Variants in TM6SF1 observed in about 807,000 individuals in gnomAD.
The protein encoded by TM6SF1 is transmembrane 6 superfamily member 1.
A neutral mutation model predicts 47.1 loss-of-function variants in TM6SF1; 43 were observed. The observed-to-expected ratio is 0.91, with a 90% CI of 0.72 to 1.18. The LOEUF is 1.18. TM6SF1 is among the 50% of genes most tolerant of loss of function. TM6SF1 has a pLI of 0.00. For synonymous variants in TM6SF1, 177 were observed against 166.3 expected (o/e 1.06, Z -0.49); for missense variants, 390 against 449.0 (o/e 0.87, Z 1.19).
intron 9 of TM6SF1, 126 bp from the exon 10 acceptor site, chr15:83,136,355 T>C (rs911028982): frequency 4.5e-5 from 28 of 624,050 alleles, no homozygotes; most frequent in South Asian, 3.3e-5. Context: ...TGAAGGTATT[T>C]TGCCTGCAGG....
chr15:83,129,620 C>G (rs1313812328), intron 9 of TM6SF1: 1 of 152,264 alleles, frequency 6.6e-6, no homozygotes, highest in Admixed American at 6.5e-5. Context: ...TCATATTCTT[C>G]TCCATTGTGT....
chr15:83,109,131 C>T (rs547997809), intron 1 of TM6SF1, among the ~76,000 whole-genome samples: 1 of 152,234 alleles, frequency 6.6e-6, no homozygotes, highest in African/African-American at 2.4e-5. Flanking sequence ...ATTAATACAT[C>T]GATAGTGACA....
intron 9 of TM6SF1, chr15:83,132,325 C>T (rs558601398): frequency 6.6e-6 from 1 of 152,126 alleles, no homozygotes; most frequent in Non-Finnish European, 1.5e-5. Context: ...TATATAATTA[C>T]CAAGAAAACA....
intron 2 of TM6SF1, chr15:83,113,375 C>T (rs1265437044): frequency 6.3e-6 from 1 of 157,662 alleles, no homozygotes; most frequent in Non-Finnish European, 1.4e-5. Flanking sequence ...TAGCAGCAGG[C>T]TTTCACCTAA....
At chr15:83,117,927 G>A (rs2034825611) in intron 3 of TM6SF1, among the ~76,000 whole-genome samples, 1 of 152,146 alleles carries the variant, frequency 6.6e-6, no homozygotes, top group Admixed American at 6.5e-5. Context: ...ACCTAATGCT[G>A]TGAAGAAGAG....
rs201364617 is a variant in TM6SF1 at position 83,137,400 on chromosome 15, C to T, written c.*728C>T. ...TTAAATTTGAAACATTTCATATATA[C>T]ACATAAAACGCTTTTAAAGAAAATT... On this transcript the variant is annotated 3_prime_UTR_variant, in exon 10 of 10. Coordinates refer to ENST00000322019, the MANE Select transcript of TM6SF1 (RefSeq NM_023003.5). 6.6e-6 allele frequency: 1 copy of T among 152,012 alleles called. No homozygotes were observed. The highest frequency in any genetic ancestry group is 1.9e-4 in the East Asian group (1 of 5,198). 9.4% of individuals were successfully genotyped at this position (152,012 alleles called of 1,614,324 possible).
intron 2 of TM6SF1, chr15:83,113,215 G>C: frequency 2.3e-6 from 1 of 425,718 alleles, no homozygotes; most frequent in Non-Finnish European, 4.4e-6. Context: ...TGGGCTTCCT[G>C]TCTTCAGCCT....
rs1020959791 is a variant in TM6SF1 at position 83,122,664 on chromosome 15, AT to A, written c.482-89del. 12 of 1,470,220 alleles carry A rather than the reference AT, an allele frequency of 8.2e-6. 1 individual carries two copies. The highest frequency in any genetic ancestry group is 4.9e-4 in the Middle Eastern group (2 of 4,082). 91.1% of individuals were successfully genotyped at this position (1,470,220 alleles called of 1,614,324 possible). On this transcript the variant is annotated intron_variant, in intron 5 of 9. Transcript: ENST00000322019. The stretch of plus-strand genomic sequence containing the variant: ...AAAATATTGTCTGGCCCATAGCAAA[AT>A]TTTAGATGACCTGAGATGGGGAGGT...
At chr15:83,122,391 ATAGG>A (rs1240414463) in intron 5 of TM6SF1, among the ~76,000 whole-genome samples, 3 of 151,960 alleles carry the variant, frequency 2.0e-5, no homozygotes, top group Non-Finnish European at 2.9e-5. Flanking sequence ...ATCAGGATAT[ATAGG>A]TAGATAGATA....
At chr15:83,120,357 T>C (rs2035105740) in intron 4 of TM6SF1, among the ~76,000 whole-genome samples, 2 of 152,330 alleles carry the variant, frequency 1.3e-5, no homozygotes, top group Non-Finnish European at 2.9e-5. Context: ...TTTCTGCCCA[T>C]GGTGGCACAC....
chr15:83,116,811 G>T (rs937205407), intron 3 of TM6SF1, among the ~76,000 whole-genome samples: 1 of 152,188 alleles, frequency 6.6e-6, no homozygotes, highest in African/African-American at 2.4e-5. Flanking sequence ...GGGACAAATT[G>T]GGAGTGATGG....
Position 83,136,791 on chromosome 15 carries a change from C to T in TM6SF1, c.*119C>T, listed in dbSNP as rs542414835. On this transcript the variant is annotated 3_prime_UTR_variant, in exon 10 of 10. Transcript: ENST00000322019. ...GTACTTAAGAATATGTACATTCTTG[C>T]TCTGCACTGTATGTGTGAGCTATAT... The T allele has an allele frequency of 5.8e-5, 49 of 851,604 alleles. No homozygotes were observed. Among genetic ancestry groups the T allele is most frequent in the African/African-American group, 1.5e-4 (9 of 58,622 alleles). The allele number at this position is 851,604 out of a possible 1,614,324, so 52.8% of individuals were successfully genotyped here. A position where few individuals can be genotyped will look rare whatever the true frequency, so the allele number is the denominator to read the frequency against.
In TM6SF1 at chr15:83,127,398, C is replaced by T; in HGVS notation, c.842C>T (p.Thr281Ile). 6.2e-7 allele frequency: 1 copy of T among 1,613,966 alleles called. No individual in the cohort carries two copies. Among genetic ancestry groups the T allele is most frequent in the Non-Finnish European group, 8.5e-7 (1 of 1,179,920 alleles). Reference protein sequence around the residue: ...YMFYSVPYFVTALYGLVVPGC... With the variant: ...YMFYSVPYFVIALYGLVVPGC... The stretch of plus-strand genomic sequence containing the variant: ...TTCTATTCTGTTCCTTACTTTGTGA[C>T]TGCACTGTATGGCTTAGTGGTTCCT... The change falls in exon 9 of 10, where the codon ACT becomes ATT. Residue 281 changes from threonine to isoleucine, a missense_variant. Coordinates refer to ENST00000322019, the MANE Select transcript of TM6SF1 (RefSeq NM_023003.5).
At chr15:83,121,542 T>C (rs2035245452) in intron 4 of TM6SF1, among the ~76,000 whole-genome samples, 1 of 152,160 alleles carries the variant, frequency 6.6e-6, no homozygotes, top group Non-Finnish European at 1.5e-5. Flanking sequence ...GTATAACTCA[T>C]ACTTATAATG....
intron 7 of TM6SF1, among the ~76,000 whole-genome samples, chr15:83,125,824 A>C (rs1298322364): frequency 6.6e-6 from 1 of 152,160 alleles, no homozygotes; most frequent in Non-Finnish European, 1.5e-5. Flanking sequence ...CAGGGTGAGA[A>C]GCTGTTTTAA....
chr15:83,121,518 C>CATT (rs1403048826), intron 4 of TM6SF1, among the ~76,000 whole-genome samples: 12 of 152,222 alleles, frequency 7.9e-5, no homozygotes, highest in Admixed American at 7.8e-4. Context: ...GTCCATTTAA[C>CATT]ATTATCATTG....
Position 83,112,800 on chromosome 15 carries a change from C to T in TM6SF1, c.96C>T (p.Ser32=). ...VFNHLAAQHD[S]WTIVGVAALI... ...CTCCCTGTTCTGGTCGTTGCAGTTCCTGGACTATTGTAGGGGTTGCTGCCC... is the reference window on the plus strand; with the variant it reads ...CTCCCTGTTCTGGTCGTTGCAGTTCTTGGACTATTGTAGGGGTTGCTGCCC... Residue 32 remains serine, a synonymous_variant, in exon 2 of 10, where the codon TCC becomes TCT. Coordinates refer to ENST00000322019, the MANE Select transcript of TM6SF1 (RefSeq NM_023003.5). 1 of 1,613,472 alleles carries T rather than the reference C, an allele frequency of 6.2e-7. No individual in the cohort carries two copies.
chr15:83,136,746 C>T lies in TM6SF1; in HGVS notation c.*74C>T. 7.8e-7 allele frequency: 1 copy of T among 1,286,542 alleles called. No individual in the cohort carries two copies. The highest frequency in any genetic ancestry group is 1.1e-6 in the Non-Finnish European group (1 of 922,560). The allele number at this position is 1,286,542 out of a possible 1,614,324, so 79.7% of individuals were successfully genotyped here. A position where few individuals can be genotyped will look rare whatever the true frequency, so the allele number is the denominator to read the frequency against. ...CTGGTACTGATATTTTGTCCCATTT[C>T]ACTCTCTTCTCATACGTGAGTACTT... On this transcript the variant is annotated 3_prime_UTR_variant, in exon 10 of 10. Transcript: ENST00000322019.
At chr15:83,115,658 A>G (rs1197832704) in intron 2 of TM6SF1, 187 bp from the exon 3 acceptor site, 1 of 692,146 alleles carries the variant, frequency 1.4e-6, no homozygotes, top group Non-Finnish European at 2.6e-6. Flanking sequence ...GGATGGGGAG[A>G]GCTGCGAACA....
Sources: gnomAD v4.1 joint callset for allele counts (sites outside exome capture counted in the v4.1 genomes callset) on GRCh38, gnomAD v4.1.1 for gene constraint, MANE v1.5 for transcripts, NCBI Gene and HGNC (gene_info 2026-07-23, HGNC 2026-07-21) for gene names.